PFKM: variants seen among roughly 807,000 people sequenced by gnomAD.
PFKM encodes the protein phosphofructokinase, muscle.
A neutral mutation model predicts 95.5 loss-of-function variants in PFKM; 58 were observed. That is an observed-to-expected ratio of 0.61 (90% CI 0.49 to 0.76). The LOEUF is 0.76. Among genes scored for constraint, PFKM ranks in the 30% least tolerant of loss-of-function variants. PFKM has a pLI of 0.00. For missense variants in PFKM, 678 were observed against 1,005.4 expected, an observed-to-expected ratio of 0.67 and a Z score of 4.40; for synonymous variants, 336 against 357.2, an observed-to-expected ratio of 0.94 and a Z score of 0.67.
intron 3 of PFKM, among the ~76,000 whole-genome samples, chr12:48,111,504 G>A (rs942693454): frequency 6.6e-6 from 1 of 152,230 alleles, no homozygotes; most frequent in Non-Finnish European, 1.5e-5. Context: ...TTGATGCGTA[G>A]TCCCTTTGCA....
upstream of PFKM, among the ~76,000 whole-genome samples, chr12:48,116,359 A>C (rs759918509): frequency 2.0e-5 from 3 of 151,950 alleles, no homozygotes; most frequent in Admixed American, 6.6e-5. Flanking sequence ...TTTTCACTTC[A>C]AATGAAGTAG....
Position 48,119,385 on chromosome 12 carries a change from G to A in PFKM, c.-30G>A, listed in dbSNP as rs1947955743. 2.0e-6 allele frequency: 2 copies of A among 985,840 alleles called. No homozygotes were observed. The highest frequency in any genetic ancestry group is 4.7e-5 in the South Asian group (1 of 21,300). The allele number at this position is 985,840 out of a possible 1,614,324, so 61.1% of individuals were successfully genotyped here. ...GGACAATCTGCAAGAAAGCAGCGGCGGAGGAGAGCTAAGACTAAAAGGCAA... is the reference window on the plus strand; with the variant it reads ...GGACAATCTGCAAGAAAGCAGCGGCAGAGGAGAGCTAAGACTAAAAGGCAA... On this transcript the variant is annotated 5_prime_UTR_variant, in exon 1 of 23. Coordinates refer to ENST00000359794, the MANE Select transcript of PFKM (RefSeq NM_000289.6).
In PFKM at chr12:48,112,637, G is replaced by A. The variant is rs1280998380; in HGVS notation, c.205+4443G>A. Reference sequence around the variant, plus strand: ...CCACTACAGAATAATGGGTTATGGAGGGGTTGTGGAGGGAGGTATTGAGGT... The same window carrying A: ...CCACTACAGAATAATGGGTTATGGAAGGGTTGTGGAGGGAGGTATTGAGGT... On this transcript the variant is annotated intron_variant, in intron 3 of 24. Coordinates refer to the PFKM transcript ENST00000340802. Among the ~76,000 whole-genome samples the A allele has an allele frequency of 2.6e-5, 4 of 152,172 alleles. No individual in the cohort carries two copies. The East Asian group carries it at 7.7e-4, about 29-fold the overall frequency.
chr12:48,139,568 T>G, intron 12 of PFKM: 1 of 621,510 alleles, frequency 1.6e-6, no homozygotes, highest in Non-Finnish European at 2.9e-6. Context: ...TATAATCTGT[T>G]ATTTCTATAT....
chr12:48,141,521 G>A, intron 15 of PFKM, 140 bp downstream of exon 15: 2 of 810,964 alleles, frequency 2.5e-6, no homozygotes, highest in Non-Finnish European at 4.3e-6. Flanking sequence ...CTGCCATGAG[G>A]GCAGACATGC....
intron 9 of PFKM, 67 bp from the exon 10 acceptor site, chr12:48,135,224 G>T: frequency 7.2e-7 from 1 of 1,384,862 alleles, no homozygotes; most frequent in Non-Finnish European, 1.0e-6. Flanking sequence ...GTTTACCCAA[G>T]TCTCTGCTTG....
At chr12:48,118,277 A>G (rs1947852257), upstream of PFKM, among the ~76,000 whole-genome samples, 1 of 152,184 alleles carries the variant, frequency 6.6e-6, no homozygotes, top group Non-Finnish European at 1.5e-5. Flanking sequence ...TTTGGTTTAC[A>G]TTCTTAATGA....
At chr12:48,131,938 C>T (rs543561301) in intron 4 of PFKM, 1 of 447,870 alleles carries the variant, frequency 2.2e-6, no homozygotes, top group East Asian at 7.0e-5. Flanking sequence ...TGTGGGCTAG[C>T]CCACAGTGAG....
chr12:48,135,877 T>C (rs556289750), intron 10 of PFKM, among the ~76,000 whole-genome samples: 4 of 151,786 alleles, frequency 2.6e-5, no homozygotes, highest in African/African-American at 9.7e-5. Flanking sequence ...CACCCATCCC[T>C]CCTCATTATT....
rs1473916830 is a variant in PFKM, at chr12:48,145,317, T to G, written c.2198+2T>G. ...GCTGAAGGACCAGACAGATTTTGAGTGAGTACATCTGCTTCCTGGAGTGGT... is the reference window on the plus strand; with the variant it reads ...GCTGAAGGACCAGACAGATTTTGAGGGAGTACATCTGCTTCCTGGAGTGGT... On this transcript the variant is annotated splice_donor_variant, in intron 22 of 22. Transcript: ENST00000359794. LOFTEE classifies it high-confidence loss of function. The surrounding 1 kb of genome is among the most constrained non-coding windows in gnomAD (Gnocchi z 4.3). 1 of 1,606,372 alleles carries G rather than the reference T, an allele frequency of 6.2e-7. No homozygotes were observed.
At chr12:48,135,899 T>A (rs1284026317) in intron 10 of PFKM, among the ~76,000 whole-genome samples, 1 of 151,692 alleles carries the variant, frequency 6.6e-6, no homozygotes, top group Non-Finnish European at 1.5e-5. Context: ...TTATTATTAT[T>A]ATTTTTTGAG....
chr12:48,110,385 TA>T (rs1410744069), intron 3 of PFKM, among the ~76,000 whole-genome samples: 5 of 152,174 alleles, frequency 3.3e-5, no homozygotes, highest in African/African-American at 1.2e-4. Flanking sequence ...TATTGCGTTT[TA>T]AAACATCTTT....
At chr12:48,106,273 T>A in intron 1 of PFKM, 1 of 602,824 alleles carries the variant, frequency 1.7e-6, no homozygotes, top group Non-Finnish European at 3.0e-6. Context: ...AGTACCCTTT[T>A]CAGTCTGGGC....
intron 2 of PFKM, among the ~76,000 whole-genome samples, chr12:48,107,727 T>C (rs1398950113): frequency 6.6e-6 from 1 of 152,138 alleles, no homozygotes; most frequent in Non-Finnish European, 1.5e-5. Flanking sequence ...AGCTTGTCAT[T>C]ATTGTGTTGT....
At chr12:48,118,088 T>C (rs371756983), upstream of PFKM, among the ~76,000 whole-genome samples, 8 of 152,214 alleles carry the variant, frequency 5.3e-5, no homozygotes, top group African/African-American at 1.7e-4. Context: ...TGTAAATGTT[T>C]CTTATCAGAC....
At chr12:48,115,166 A>G (rs896196652), upstream of PFKM, among the ~76,000 whole-genome samples, 7 of 152,238 alleles carry the variant, frequency 4.6e-5, no homozygotes, top group Non-Finnish European at 8.8e-5. Context: ...CACCAATGGA[A>G]CATGGGTGAA....
chr12:48,129,026 A>C (rs981861661), intron 2 of PFKM, among the ~76,000 whole-genome samples: 1 of 152,106 alleles, frequency 6.6e-6, no homozygotes, highest in East Asian at 1.9e-4. Context: ...TGAAACACAC[A>C]TATGGGACAC....
chr12:48,130,132 G>C (rs1474318222), intron 2 of PFKM, among the ~76,000 whole-genome samples: 3 of 152,174 alleles, frequency 2.0e-5, no homozygotes, highest in African/African-American at 4.8e-5. Flanking sequence ...AGGATTTTGG[G>C]GGGGCTTGAG....
intron 17 of PFKM, among the ~76,000 whole-genome samples, chr12:48,142,535 A>G (rs1950669798): frequency 6.6e-6 from 1 of 150,630 alleles, no homozygotes; most frequent in African/African-American, 2.4e-5. Flanking sequence ...TTTCTTTCTG[A>G]GATCATGCAG....
Sources: allele counts gnomAD v4.1 joint callset (sites outside exome capture counted in the v4.1 genomes callset), GRCh38; gene constraint gnomAD v4.1.1; non-coding constraint Gnocchi (gnomAD v3.1); transcripts MANE v1.5; gene names NCBI Gene and HGNC (gene_info 2026-07-23, HGNC 2026-07-21).